CFDP1: variants seen among roughly 807,000 people sequenced by gnomAD.
CFDP1 encodes chromatin remodeling protein CFDP1.
A neutral mutation model predicts 40.1 loss-of-function variants in CFDP1; 31 were observed. The observed-to-expected ratio is 0.77, with a 90% CI of 0.58 to 1.04. CFDP1 has a LOEUF of 1.04. Ranked by LOEUF, CFDP1 falls within the 50% of genes least tolerant of loss-of-function variation. CFDP1 has a pLI of 0.00. For missense variants in CFDP1, 423 were observed against 343.4 expected (o/e 1.23, Z -1.83); for synonymous variants, 167 against 120.0 (o/e 1.39, Z -2.56).
chr16:75,406,355 C>A (rs993109724), intron 4 of CFDP1, among the ~76,000 whole-genome samples: 4 of 151,754 alleles, frequency 2.6e-5, no homozygotes, highest in African/African-American at 7.3e-5. Context: ...CCAGCCTGGG[C>A]AACAGAGTGA....
intron 5 of CFDP1, among the ~76,000 whole-genome samples, chr16:75,363,280 A>C (rs529010851): frequency 6.6e-6 from 1 of 152,306 alleles, no homozygotes; most frequent in Admixed American, 6.5e-5. Context: ...CCAAAAAAAA[A>C]AAAAAAAATT....
intron 5 of CFDP1, among the ~76,000 whole-genome samples, chr16:75,376,127 CTT>C (rs1237862682): frequency 6.6e-6 from 1 of 152,112 alleles, no homozygotes; most frequent in Non-Finnish European, 1.5e-5. Context: ...GGGAAGATCT[CTT>C]GAGCCACAGA....
chr16:75,357,329 A>G (rs954235841), intron 5 of CFDP1, among the ~76,000 whole-genome samples: 6 of 152,106 alleles, frequency 3.9e-5, no homozygotes, highest in Admixed American at 3.9e-4. Context: ...ATCTCAGTTC[A>G]GTGCAACCTC....
chr16:75,340,309 A>T (rs911552917), intron 5 of CFDP1, among the ~76,000 whole-genome samples: 1 of 152,230 alleles, frequency 6.6e-6, no homozygotes, highest in African/African-American at 2.4e-5. Flanking sequence ...TTAGAAGAAG[A>T]ATTCATTTTT....
chr16:75,315,210 G>T (rs966473520), intron 5 of CFDP1, among the ~76,000 whole-genome samples: 1 of 151,892 alleles, frequency 6.6e-6, no homozygotes, highest in Non-Finnish European at 1.5e-5. Context: ...GTGTGTGCCT[G>T]TAGTCCCAGC....
At chr16:75,319,450 G>T (rs546223905) in intron 5 of CFDP1, among the ~76,000 whole-genome samples, 2 of 152,146 alleles carry the variant, frequency 1.3e-5, no homozygotes, top group East Asian at 1.9e-4. Context: ...TCTGGGGTTG[G>T]GGGGGAACGT....
In CFDP1 at chr16:75,382,837, TCTC is replaced by T. The variant is rs199836204; in HGVS notation, c.650+12250_650+12252del. On this transcript the variant is annotated intron_variant, in intron 5 of 6. Transcript: ENST00000283882. ...CTATTTGACTGTGGGGGAAAACTCT[TCTC>T]CTTTTGTTTCCACTTCCTACAGGCA... is the stretch of plus-strand genomic sequence containing the variant. Among the ~76,000 whole-genome samples the T allele has an allele frequency of 5.3e-5, 8 of 151,674 alleles. No homozygotes were observed. In the East Asian group the frequency reaches 1.5e-3, roughly 29 times the overall value.
chr16:75,324,782 T>C (rs1295347934), intron 5 of CFDP1: 3 of 151,654 alleles, frequency 2.0e-5, no homozygotes, highest in African/African-American at 7.3e-5. Flanking sequence ...TAGGAAAGAT[T>C]AGTGGAGCTG....
chr16:75,374,908 T>G (rs188258425), intron 5 of CFDP1, among the ~76,000 whole-genome samples: 1 of 152,280 alleles, frequency 6.6e-6, no homozygotes, highest in African/African-American at 2.4e-5. Flanking sequence ...TTTCAAGTGT[T>G]CAACAGCCAC....
intron 5 of CFDP1, among the ~76,000 whole-genome samples, chr16:75,329,949 C>T (rs2078433173): frequency 6.6e-6 from 1 of 152,192 alleles, no homozygotes; most frequent in Non-Finnish European, 1.5e-5. Flanking sequence ...CTCTTTCCTC[C>T]TCCTCCCTCA....
chr16:75,349,666 A>ATATATATATATAT (rs1567653444), intron 5 of CFDP1, among the ~76,000 whole-genome samples: 2 of 13,680 alleles, frequency 1.5e-4, no homozygotes, highest in Non-Finnish European at 2.5e-4. Context: ...AAAAAAAAAA[A>ATATATATATATAT]AAAAAAAAAA....
At chr16:75,351,341 T>A (rs1433173365) in intron 5 of CFDP1, among the ~76,000 whole-genome samples, 1 of 152,214 alleles carries the variant, frequency 6.6e-6, no homozygotes, top group Non-Finnish European at 1.5e-5. Flanking sequence ...CTTGAAATAA[T>A]GTTTCCCACA....
intron 2 of CFDP1, among the ~76,000 whole-genome samples, 194 bp from the exon 3 acceptor site, chr16:75,412,948 A>C (rs1436699779): frequency 1.3e-5 from 2 of 152,176 alleles, no homozygotes; most frequent in Non-Finnish European, 2.9e-5. Context: ...AAAAAAAAAA[A>C]AACTGAGCTC....
At chr16:75,303,104 G>A (rs1445824022) in intron 6 of CFDP1, among the ~76,000 whole-genome samples, 1 of 151,028 alleles carries the variant, frequency 6.6e-6, no homozygotes, top group Non-Finnish European at 1.5e-5. Flanking sequence ...GGAGGCTGAG[G>A]CAGGAGAATC....
intron 4 of CFDP1, among the ~76,000 whole-genome samples, chr16:75,411,529 G>C (rs2079162599): frequency 6.6e-6 from 1 of 152,194 alleles, no homozygotes; most frequent in Admixed American, 6.5e-5. Flanking sequence ...AGGGAGACAT[G>C]ACTTACCAAA....
chr16:75,308,699 A>G (rs762925856), intron 5 of CFDP1, among the ~76,000 whole-genome samples: 29 of 152,204 alleles, frequency 1.9e-4, no homozygotes, highest in Non-Finnish European at 3.1e-4. Context: ...TCAGCTCTCA[A>G]CAGCCCAAGG....
At chr16:75,309,995 G>T (rs572014481) in intron 5 of CFDP1, among the ~76,000 whole-genome samples, 71 of 152,234 alleles carry the variant, frequency 4.7e-4, no homozygotes, top group Non-Finnish European at 6.8e-4. Flanking sequence ...CCCACCTGTT[G>T]CAAGTCAAAG....
At chr16:75,393,920 G>C (rs938772016) in intron 5 of CFDP1, among the ~76,000 whole-genome samples, 5 of 150,492 alleles carry the variant, frequency 3.3e-5, no homozygotes, top group African/African-American at 1.2e-4. Context: ...TTAGACGGGC[G>C]TGTTGGCACC....
chr16:75,368,274 G>C (rs551187504), intron 5 of CFDP1, among the ~76,000 whole-genome samples: 2 of 152,240 alleles, frequency 1.3e-5, no homozygotes, highest in South Asian at 4.1e-4. Context: ...AATGGTAATT[G>C]CTTTTAAAAG....
Sources: allele counts gnomAD v4.1 joint callset (sites outside exome capture counted in the v4.1 genomes callset), GRCh38; gene constraint gnomAD v4.1.1; transcripts MANE v1.5; gene names NCBI Gene and HGNC (gene_info 2026-07-23, HGNC 2026-07-21).